The following SLCO1B3 variants were observed in gnomAD, a reference collection of about 807,000 sequenced individuals.
SLCO1B3 encodes the protein liver-specific organic anion transporter 2.
Under a neutral mutation model 71.8 loss-of-function variants are expected in SLCO1B3, and 72 were observed. The ratio of observed to expected loss-of-function variants is 1.00; its 90% CI spans 0.83 to 1.22. The LOEUF (loss-of-function observed/expected upper bound fraction) is 1.22. Ranked by LOEUF, SLCO1B3 falls within the 50% of genes most tolerant of loss-of-function variation. The pLI is 0.00. For synonymous variants in SLCO1B3, 298 were observed against 278.4 expected (o/e 1.07, Z -0.70); for missense variants, 911 against 819.7 (o/e 1.11, Z -1.36).
intron 13 of SLCO1B3, among the ~76,000 whole-genome samples, chr12:20,887,343 A>G (rs566686750): frequency 6.6e-6 from 1 of 152,094 alleles, no homozygotes; most frequent in Non-Finnish European, 1.5e-5. Flanking sequence ...CCAACAGTGT[A>G]TAAACATTCA....
At chr12:20,850,572 A>G (rs1865006493) in intron 3 of SLCO1B3, among the ~76,000 whole-genome samples, 1 of 152,252 alleles carries the variant, frequency 6.6e-6, no homozygotes, top group South Asian at 2.1e-4. Flanking sequence ...GTAAGCCACC[A>G]TGCCCGGCCG....
chr12:20,907,396 CCCCTTCCTTCTTTCCTTCCTT>C (rs1415155822), intron 15 of SLCO1B3, among the ~76,000 whole-genome samples: 1 of 148,490 alleles, frequency 6.7e-6, no homozygotes, highest in Non-Finnish European at 1.5e-5. Flanking sequence ...CTCCCTCCCT[CCCCTTCCTTCTTTCCTTCCTT>C]CCCTTCCTTT....
intron 3 of SLCO1B3, among the ~76,000 whole-genome samples, chr12:20,844,331 C>G (rs569648690): frequency 1.2e-3 from 188 of 152,184 alleles, no homozygotes; most frequent in South Asian, 6.6e-3. Context: ...CTTTGGAAGG[C>G]TGAGGTGGGC....
At chr12:20,861,258 C>T (rs1865260334) in intron 6 of SLCO1B3, 120 bp downstream of exon 6, 1 of 876,792 alleles carries the variant, frequency 1.1e-6, no homozygotes, top group African/African-American at 1.7e-5. Context: ...ACATTTATCC[C>T]TTACATACAG....
At chr12:20,848,529 C>A (rs1363170061) in intron 3 of SLCO1B3, among the ~76,000 whole-genome samples, 1 of 152,132 alleles carries the variant, frequency 6.6e-6, no homozygotes, top group Non-Finnish European at 1.5e-5. Context: ...TAAAAGCCTG[C>A]ACACAAGTGT....
At chr12:20,831,514 C>T (rs1248077579) in intron 3 of SLCO1B3, among the ~76,000 whole-genome samples, 1 of 152,138 alleles carries the variant, frequency 6.6e-6, no homozygotes, top group Non-Finnish European at 1.5e-5. Flanking sequence ...TTAACCTCAA[C>T]AATCGCATTA....
intron 15 of SLCO1B3, among the ~76,000 whole-genome samples, chr12:20,902,559 C>T (rs767314517): frequency 7.2e-5 from 11 of 152,026 alleles, no homozygotes; most frequent in Non-Finnish European, 1.2e-4. Context: ...CTTGTGGGTG[C>T]AGAGTGAGAG....
At chr12:20,822,403 TG>T (rs1242956718) in intron 3 of SLCO1B3, among the ~76,000 whole-genome samples, 1 of 151,480 alleles carries the variant, frequency 6.6e-6, no homozygotes, top group Non-Finnish European at 1.5e-5. Context: ...AGGTGCTCGG[TG>T]GGGGAGCTTC....
intron 1 of SLCO1B3, among the ~76,000 whole-genome samples, chr12:20,811,331 G>T (rs540862392): frequency 3.4e-4 from 52 of 152,190 alleles, no homozygotes; most frequent in Admixed American, 9.8e-4. Flanking sequence ...AATCTTCTGG[G>T]CACAGCTCTT....
chr12:20,916,060 T>C lies in SLCO1B3; in HGVS notation c.1922T>C (p.Ile641Thr), dbSNP rs374189599. Residue 641 changes from isoleucine to threonine, a missense_variant, in exon 16 of 16, where the codon ATT (isoleucine) becomes ACT (threonine). By Grantham distance (89) the Ile-to-Thr change is moderately conservative (BLOSUM62 -1). Transcript: ENST00000381545. ...AGATTCCCAGCACTTGTTTTATATA[T>C]TGTTTTCATTTTTGCTATGAAGAAA... ...ALRFPALVLY[I>T]VFIFAMKKKF... The C allele has an allele frequency of 2.3e-5, 37 of 1,611,068 alleles. No homozygotes were observed. The African/African-American group carries it at 4.9e-4, about 21-fold the overall frequency.
rs578244485 is a variant in SLCO1B3 at position 20,854,616 on chromosome 12, A to G, written c.85-412A>G. Among the ~76,000 whole-genome samples the G allele has an allele frequency of 2.7e-4, 41 of 152,110 alleles. No individual in the cohort carries two copies. In the East Asian group the frequency reaches 3.3e-3, roughly 12 times the overall value. On this transcript the variant is annotated intron_variant, in intron 3 of 15. Transcript: ENST00000381545. ...TTCCTCTTTGCCTCCACAAAGTTCT[A>G]TTTTTCAGCTGGCTTCCTGAAAGTG...
chr12:20,904,470 G>A lies in SLCO1B3; in HGVS notation c.1865+3003G>A, dbSNP rs1332642035. Reference sequence around the variant, plus strand: ...CAAGAGATTTGTGCCCAAGGCTTTGGGCAGCTCCACTCCTGTGGCTCTGCA... The same window carrying A: ...CAAGAGATTTGTGCCCAAGGCTTTGAGCAGCTCCACTCCTGTGGCTCTGCA... On this transcript the variant is annotated intron_variant, in intron 15 of 15. Coordinates refer to ENST00000381545, the MANE Select transcript of SLCO1B3 (RefSeq NM_019844.4). Among the ~76,000 whole-genome samples, 3 of 152,050 alleles carry A rather than the reference G, an allele frequency of 2.0e-5. No individual in the cohort carries two copies. The East Asian group carries it at 5.9e-4, about 30-fold the overall frequency.
intron 15 of SLCO1B3, among the ~76,000 whole-genome samples, chr12:20,914,659 C>G (rs1407953033): frequency 6.6e-6 from 1 of 152,024 alleles, no homozygotes; most frequent in Non-Finnish European, 1.5e-5. Flanking sequence ...CATTTTCCTT[C>G]TAACAAACTT....
chr12:20,883,386 G>A (rs1294494947), intron 12 of SLCO1B3, 32 bp from the exon 13 acceptor site: 20 of 1,310,208 alleles, frequency 1.5e-5, no homozygotes, highest in Non-Finnish European at 2.1e-5. Context: ...TTTGGCAAAT[G>A]TATTTGTTAA....
intron 3 of SLCO1B3, among the ~76,000 whole-genome samples, chr12:20,847,709 AT>A (rs1183233227): frequency 6.6e-6 from 1 of 151,866 alleles, no homozygotes; most frequent in East Asian, 1.9e-4. Context: ...ATATATATAT[AT>A]ATATGAAGAA....
chr12:20,854,380 G>T (rs186487046), intron 3 of SLCO1B3, among the ~76,000 whole-genome samples: 58 of 152,078 alleles, frequency 3.8e-4, no homozygotes, highest in African/African-American at 1.3e-3. Context: ...CATTGCTTTA[G>T]TTTTAGGTGC....
intron 15 of SLCO1B3, among the ~76,000 whole-genome samples, chr12:20,909,169 T>C (rs1285817020): frequency 4.8e-5 from 7 of 147,008 alleles, no homozygotes; most frequent in South Asian, 4.4e-4. Flanking sequence ...CTTTTTCTTT[T>C]TTTTTTTTTT....
intron 15 of SLCO1B3, chr12:20,901,978 C>G (rs924216256): frequency 2.5e-6 from 1 of 399,072 alleles, no homozygotes; most frequent in African/African-American, 2.2e-5. Flanking sequence ...TGTACCTTAC[C>G]TCTTATAGAA....
chr12:20,827,444 T>A (rs1275070093), intron 3 of SLCO1B3, among the ~76,000 whole-genome samples: 1 of 152,180 alleles, frequency 6.6e-6, no homozygotes, highest in Middle Eastern at 3.2e-3. Context: ...CTTTATATAT[T>A]TTTAGTAGTG....
Sources: gnomAD v4.1 joint callset for allele counts (sites outside exome capture counted in the v4.1 genomes callset) on GRCh38, gnomAD v4.1.1 for gene constraint, MANE v1.5 for transcripts, NCBI Gene and HGNC (gene_info 2026-07-23, HGNC 2026-07-21) for gene names.